The following WDFY2 variants were observed in gnomAD, a reference collection of about 807,000 sequenced individuals.
WDFY2 encodes WD repeat and FYVE domain-containing protein 2.
Under a neutral mutation model 56.4 loss-of-function variants are expected in WDFY2, and 36 were observed. The observed-to-expected ratio is 0.64, with a 90% CI of 0.49 to 0.84. The LOEUF is 0.84. Ranked by LOEUF, WDFY2 falls within the 40% of genes least tolerant of loss-of-function variation. The pLI is 0.00. For missense variants in WDFY2, 444 were observed against 512.2 expected, an observed-to-expected ratio of 0.87 and a Z score of 1.29; for synonymous variants, 176 against 183.7, an observed-to-expected ratio of 0.96 and a Z score of 0.34.
intron 9 of WDFY2, 49 bp downstream of exon 9, chr13:51,755,508 C>G (rs367971303): frequency 7.4e-5 from 115 of 1,562,648 alleles, no homozygotes; most frequent in Non-Finnish European, 9.2e-5. Flanking sequence ...GGAAATAGCT[C>G]AACCATGTGA....
At chr13:51,735,597 A>G (rs1015074073) in intron 6 of WDFY2, among the ~76,000 whole-genome samples, 1 of 152,310 alleles carries the variant, frequency 6.6e-6, no homozygotes, top group South Asian at 2.1e-4. Context: ...GTAATCCATC[A>G]TCTTATCATT....
At chr13:51,703,392 A>C (rs147540830) in intron 3 of WDFY2, among the ~76,000 whole-genome samples, 1 of 152,184 alleles carries the variant, frequency 6.6e-6, no homozygotes, top group Non-Finnish European at 1.5e-5. Flanking sequence ...GTCAACACTT[A>C]TAAGGTAAAA....
At chr13:51,606,321 T>C (rs1031021076) in intron 1 of WDFY2, among the ~76,000 whole-genome samples, 1 of 152,240 alleles carries the variant, frequency 6.6e-6, no homozygotes, top group Admixed American at 6.5e-5. Flanking sequence ...AGCACCTCAG[T>C]AACTGTGCAT....
intron 1 of WDFY2, among the ~76,000 whole-genome samples, chr13:51,623,765 T>C (rs1392630720): frequency 6.6e-6 from 1 of 152,184 alleles, no homozygotes; most frequent in Non-Finnish European, 1.5e-5. Context: ...ATAAGAAATT[T>C]TGGTTATTCT....
rs117571024 is a variant in WDFY2 at position 51,739,642 on chromosome 13, T to C, written c.725+467T>C. On this transcript the variant is annotated intron_variant, in intron 7 of 11. Coordinates refer to ENST00000298125, the MANE Select transcript of WDFY2 (RefSeq NM_052950.4). Reference sequence around the variant, plus strand: ...CCAAATATTTATTGAGTACTTGCCTTGATTCATGTCAGGCTCTTTTTCCTT... The same window carrying C: ...CCAAATATTTATTGAGTACTTGCCTCGATTCATGTCAGGCTCTTTTTCCTT... Among the ~76,000 whole-genome samples the C allele has an allele frequency of 2.3e-3, 346 of 152,358 alleles. 2 individuals are homozygous for C. Among genetic ancestry groups the C allele is most frequent in the Non-Finnish European group, 3.6e-3 (243 of 68,038 alleles).
intron 4 of WDFY2, among the ~76,000 whole-genome samples, chr13:51,718,559 T>TAC (rs71192015): frequency 0.29 from 40,745 of 138,478 alleles, 6,105 homozygotes; most frequent in Admixed American, 0.35. Flanking sequence ...TTATCATTCA[T>TAC]ACACACACAC....
intron 7 of WDFY2, among the ~76,000 whole-genome samples, chr13:51,747,829 C>T (rs942590941): frequency 2.0e-5 from 3 of 152,222 alleles, no homozygotes; most frequent in Admixed American, 2.0e-4. Flanking sequence ...CTGCGCCTCA[C>T]CACATTTCTC....
Position 51,602,350 on chromosome 13 carries a change from G to GT in WDFY2, c.137+17527dup, listed in dbSNP as rs373537130. Among the ~76,000 whole-genome samples, 466 of 152,262 alleles carry GT rather than the reference G, an allele frequency of 3.1e-3. 3 individuals carry two copies. The highest frequency in any genetic ancestry group is 0.011 in the African/African-American group (446 of 41,540). On this transcript the variant is annotated intron_variant, in intron 1 of 11. Transcript: ENST00000298125. ...GTGTTACAGTTGCCTATAGCATTCAGTACAGTAACATGTTGTACAGGTTTG... is the reference window on the plus strand; with the variant it reads ...GTGTTACAGTTGCCTATAGCATTCAGTTACAGTAACATGTTGTACAGGTTTG...
intron 3 of WDFY2, among the ~76,000 whole-genome samples, chr13:51,694,293 A>G (rs979589203): frequency 6.6e-6 from 1 of 152,128 alleles, no homozygotes; most frequent in Non-Finnish European, 1.5e-5. Context: ...GGTCTTTACA[A>G]TTTGGCATGA....
intron 1 of WDFY2, among the ~76,000 whole-genome samples, chr13:51,629,017 T>G (rs1954896625): frequency 6.6e-6 from 1 of 152,234 alleles, no homozygotes. Context: ...AGATTATTTC[T>G]TAGGTCCCCT....
At position 51,767,148 on chromosome 13, in the gene WDFY2, A is replaced by AAAT. The variant is rs1349866615; in HGVS notation, c.*7381_*7383dup. 2.6e-5 allele frequency: 4 copies of AAAT among 152,256 alleles called. No homozygotes were observed. The highest frequency in any genetic ancestry group is 7.2e-5 in the African/African-American group (3 of 41,466). The allele number at this position is 152,256 out of a possible 1,614,324, so 9.4% of individuals were successfully genotyped here. A position where few individuals can be genotyped will look rare whatever the true frequency, so the allele number is the denominator to read the frequency against. ...GTGAGGTTCATTTTATGGAGAAGAA[A>AAAT]AATAGGTGCAAAGGCACCAAGTGAC... On this transcript the variant is annotated 3_prime_UTR_variant, in exon 12 of 12. Coordinates refer to ENST00000298125, the MANE Select transcript of WDFY2 (RefSeq NM_052950.4).
At chr13:51,701,046 G>A (rs1275387733) in intron 3 of WDFY2, among the ~76,000 whole-genome samples, 3 of 152,302 alleles carry the variant, frequency 2.0e-5, no homozygotes, top group Non-Finnish European at 4.4e-5. Flanking sequence ...ATGTGGAATT[G>A]CATGCATGAA....
chr13:51,673,883 A>G (rs936391035), intron 2 of WDFY2, among the ~76,000 whole-genome samples: 2 of 152,182 alleles, frequency 1.3e-5, no homozygotes, highest in Admixed American at 1.3e-4. Flanking sequence ...AAATTCTACT[A>G]GTTTTTATTT....
chr13:51,597,946 G>A (rs1280337879), intron 1 of WDFY2, among the ~76,000 whole-genome samples: 1 of 152,176 alleles, frequency 6.6e-6, no homozygotes, highest in Non-Finnish European at 1.5e-5. Flanking sequence ...CCACTCATGG[G>A]TTTTAAGATT....
At chr13:51,750,463 A>T (rs1395314509) in intron 7 of WDFY2, among the ~76,000 whole-genome samples, 1 of 151,764 alleles carries the variant, frequency 6.6e-6, no homozygotes, top group Non-Finnish European at 1.5e-5. Context: ...ACCAGTCCAG[A>T]TATCAAAGAG....
chr13:51,686,791 A>G (rs1029811900), intron 3 of WDFY2, among the ~76,000 whole-genome samples: 2 of 152,174 alleles, frequency 1.3e-5, no homozygotes, highest in Non-Finnish European at 2.9e-5. Context: ...ATTAGAGTCA[A>G]AAGTATGTAC....
intron 5 of WDFY2, among the ~76,000 whole-genome samples, chr13:51,725,538 T>G (rs1308647401): frequency 6.6e-6 from 1 of 152,090 alleles, no homozygotes; most frequent in East Asian, 1.9e-4. Context: ...AATGTTGTGT[T>G]TTAAAGGCAC....
At chr13:51,655,253 T>G (rs535826345) in intron 1 of WDFY2, among the ~76,000 whole-genome samples, 1 of 152,224 alleles carries the variant, frequency 6.6e-6, no homozygotes, top group Non-Finnish European at 1.5e-5. Flanking sequence ...ATAGCAGTGA[T>G]GAAATTGAGC....
At chr13:51,628,653 A>C (rs900985901) in intron 1 of WDFY2, among the ~76,000 whole-genome samples, 1 of 152,206 alleles carries the variant, frequency 6.6e-6, no homozygotes, top group African/African-American at 2.4e-5. Context: ...TGGTCCCTCC[A>C]GATGGCCACG....
Sources: gnomAD v4.1 joint callset for allele counts (sites outside exome capture counted in the v4.1 genomes callset) on GRCh38, gnomAD v4.1.1 for gene constraint, MANE v1.5 for transcripts, NCBI Gene and HGNC (gene_info 2026-07-23, HGNC 2026-07-21) for gene names.